The following NRXN3 variants were observed in gnomAD, a reference collection of about 807,000 sequenced individuals.
The protein encoded by NRXN3 is neurexin 3.
A neutral mutation model predicts 137.6 loss-of-function variants in NRXN3; 32 were observed. The observed-to-expected ratio is 0.23, with a 90% confidence interval of 0.18 to 0.31. The LOEUF (loss-of-function observed/expected upper bound fraction) is 0.31, where lower values mean the gene tolerates loss of function less well. Ranked by LOEUF, NRXN3 falls within the 10% of genes least tolerant of loss-of-function variation. The pLI is 1.00. For synonymous variants in NRXN3, 798 were observed against 784.5 expected, an observed-to-expected ratio of 1.02 and a Z score of -0.29; for missense variants, 1,574 against 2,062.5, an observed-to-expected ratio of 0.76 and a Z score of 4.59.
intron 15 of NRXN3, among the ~76,000 whole-genome samples, chr14:79,203,409 T>C (rs994177240): frequency 1.3e-5 from 2 of 152,208 alleles, no homozygotes; most frequent in Non-Finnish European, 2.9e-5. Flanking sequence ...ACATACTTTG[T>C]GTCTTCATTA....
At chr14:79,343,830 T>C (rs1332743693) in intron 15 of NRXN3, among the ~76,000 whole-genome samples, 1 of 152,152 alleles carries the variant, frequency 6.6e-6, no homozygotes, top group Non-Finnish European at 1.5e-5. Context: ...GAGGAGATGT[T>C]GTCTTGCTCT....
At chr14:79,575,646 A>G (rs1464990521) in intron 16 of NRXN3, among the ~76,000 whole-genome samples, 2 of 152,132 alleles carry the variant, frequency 1.3e-5, no homozygotes, top group Non-Finnish European at 2.9e-5. Context: ...AGAATTTCCC[A>G]TCACTTTAGA....
At chr14:79,414,346 A>G (rs1477292681) in intron 15 of NRXN3, among the ~76,000 whole-genome samples, 2 of 151,970 alleles carry the variant, frequency 1.3e-5, no homozygotes, top group Non-Finnish European at 2.9e-5. Flanking sequence ...GAAAAGTTTG[A>G]CTCAGGTCAA....
chr14:79,630,528 G>A lies in NRXN3; in HGVS notation c.3445-33250G>A, dbSNP rs542710258. Among the ~76,000 whole-genome samples, 8 of 152,340 alleles carry A rather than the reference G, an allele frequency of 5.3e-5. No homozygotes were observed. In the East Asian group the frequency reaches 1.5e-3, roughly 29 times the overall value. Reference sequence around the variant, plus strand: ...CTACTTGGGACTTGAATTAGGTGAAGACTGACGGACATTTATTTACGTACC... The same window carrying A: ...CTACTTGGGACTTGAATTAGGTGAAAACTGACGGACATTTATTTACGTACC... On this transcript the variant is annotated intron_variant, in intron 16 of 20. Transcript: ENST00000335750.
chr14:79,452,856 A>G (rs565920372), intron 15 of NRXN3, among the ~76,000 whole-genome samples: 239 of 152,366 alleles, frequency 1.6e-3, no homozygotes, highest in African/African-American at 5.3e-3. Flanking sequence ...GTGATAAAAT[A>G]TTAAGAAATT....
Position 79,069,041 on chromosome 14 carries a change from T to C in NRXN3, c.3262+80900T>C, listed in dbSNP as rs1042665862. On this transcript the variant is annotated intron_variant, in intron 15 of 20. Transcript: ENST00000335750. The stretch of plus-strand genomic sequence containing the variant: ...ATGGCATCATTTGAAATGATATGGT[T>C]CCCACTGATAAGGGGAGGATGAATA... Among the ~76,000 whole-genome samples, 4 of 152,076 alleles carry C rather than the reference T, an allele frequency of 2.6e-5. 1 individual carries two copies. The highest frequency in any genetic ancestry group is 4.1e-4 in the South Asian group (2 of 4,828).
chr14:78,790,495 AT>A (rs1297637669), intron 8 of NRXN3, among the ~76,000 whole-genome samples: 1 of 152,180 alleles, frequency 6.6e-6, no homozygotes, highest in Non-Finnish European at 1.5e-5. Context: ...CTGGAGATTT[AT>A]GTTGCTCCTG....
intron 10 of NRXN3, among the ~76,000 whole-genome samples, chr14:78,927,150 C>CTCTTGATAAA (rs546385554): frequency 9.0e-6 from 1 of 111,716 alleles, no homozygotes; most frequent in Non-Finnish European, 1.8e-5. Flanking sequence ...GTGAGACCCT[C>CTCTTGATAAA]AAAAAAAAAA....
chr14:79,088,868 T>C (rs2370900), intron 15 of NRXN3, among the ~76,000 whole-genome samples: 76,673 of 152,052 alleles, frequency 0.5, 22,579 homozygotes, highest in East Asian at 0.78. Context: ...AAAGACACTT[T>C]TTTCTAACCT....
intron 15 of NRXN3, among the ~76,000 whole-genome samples, chr14:79,175,902 C>T (rs2062284666): frequency 6.6e-6 from 1 of 152,110 alleles, no homozygotes; most frequent in Non-Finnish European, 1.5e-5. Flanking sequence ...ATCATCAGCA[C>T]ACATTTGTGG....
chr14:79,126,653 A>G, intron 15 of NRXN3, among the ~76,000 whole-genome samples: 1 of 152,002 alleles, frequency 6.6e-6, no homozygotes. Context: ...ATGTGTCTTT[A>G]TAGCAGCATG....
intron 20 of NRXN3, among the ~76,000 whole-genome samples, chr14:79,825,544 T>C (rs2099294580): frequency 6.6e-6 from 1 of 152,198 alleles, no homozygotes; most frequent in African/African-American, 2.4e-5. Context: ...TGGAGCACAA[T>C]GCTTATGTGA....
At chr14:79,508,390 A>ATTTCTGATTTTTTTTTTTTTTTTTTTTT (rs1555494789) in intron 16 of NRXN3, among the ~76,000 whole-genome samples, 13 of 48,228 alleles carry the variant, frequency 2.7e-4, no homozygotes, top group African/African-American at 8.7e-4. Context: ...ACAATAACTG[A>ATTTCTGATTTTTTTTTTTTTTTTTTTTT]TTTTTTTTTT....
At chr14:78,887,215 G>T (rs932349588) in intron 10 of NRXN3, among the ~76,000 whole-genome samples, 1 of 152,092 alleles carries the variant, frequency 6.6e-6, no homozygotes, top group Non-Finnish European at 1.5e-5. Context: ...GGAAAATTAT[G>T]TTCAGATAGA....
intron 4 of NRXN3, among the ~76,000 whole-genome samples, chr14:78,550,759 C>T (rs1470788050): frequency 2.6e-5 from 4 of 152,096 alleles, no homozygotes; most frequent in Non-Finnish European, 4.4e-5. Context: ...TAGGCTTCAC[C>T]CAAATACCAA....
intron 4 of NRXN3, among the ~76,000 whole-genome samples, chr14:78,481,870 T>A (rs1316414605): frequency 6.6e-6 from 1 of 152,190 alleles, no homozygotes; most frequent in Non-Finnish European, 1.5e-5. Context: ...TATAGAGTTC[T>A]TTTAGGAAAT....
At chr14:79,228,259 G>C (rs2071440707) in intron 15 of NRXN3, among the ~76,000 whole-genome samples, 1 of 152,036 alleles carries the variant, frequency 6.6e-6, no homozygotes, top group Non-Finnish European at 1.5e-5. Context: ...AAGTCTCCCT[G>C]ATAAAGCTTC....
chr14:79,823,541 A>C (rs1041723199), intron 20 of NRXN3, among the ~76,000 whole-genome samples: 16 of 152,104 alleles, frequency 1.1e-4, no homozygotes, highest in African/African-American at 3.4e-4. Flanking sequence ...ACACCACTGC[A>C]CTCCAGCCTG....
chr14:79,320,333 C>T (rs1038221565), intron 15 of NRXN3, among the ~76,000 whole-genome samples: 14 of 152,176 alleles, frequency 9.2e-5, no homozygotes, highest in Non-Finnish European at 7.4e-5. Context: ...CATTTTTCTA[C>T]AGTAAGTATT....
Sources: allele counts gnomAD v4.1 joint callset (sites outside exome capture counted in the v4.1 genomes callset), GRCh38; gene constraint gnomAD v4.1.1; transcripts MANE v1.5; gene names NCBI Gene and HGNC (gene_info 2026-07-23, HGNC 2026-07-21).